The following KCNQ1 variants were observed in gnomAD, a reference collection of about 807,000 sequenced individuals.
KCNQ1 encodes the protein potassium voltage-gated channel subfamily Q member 1, also known as potassium voltage-gated channel subfamily KQT member 1.
Under a neutral mutation model 72.4 loss-of-function variants are expected in KCNQ1, and 49 were observed. The ratio of observed to expected loss-of-function variants is 0.68; its 90% CI spans 0.54 to 0.86. The LOEUF is 0.86. Among genes scored for constraint, KCNQ1 ranks in the 40% least tolerant of loss-of-function variants. The pLI, the probability that KCNQ1 is intolerant of heterozygous loss-of-function variation, is 0.00. For synonymous variants in KCNQ1, 450 were observed against 412.6 expected, an observed-to-expected ratio of 1.09 and a Z score of -1.10; for missense variants, 790 against 945.1, an observed-to-expected ratio of 0.84 and a Z score of 2.15.
intron 10 of KCNQ1, chr11:2,609,602 A>G (rs1848944002): frequency 5.0e-6 from 2 of 398,222 alleles, no homozygotes; most frequent in African/African-American, 2.1e-5. Context: ...TGTACTACAC[A>G]TTATTGAAAG....
chr11:2,553,585 G>A (rs1408276873), intron 2 of KCNQ1, among the ~76,000 whole-genome samples: 3 of 152,120 alleles, frequency 2.0e-5, no homozygotes, highest in Admixed American at 6.5e-5. Context: ...GTGGGGAATC[G>A]CACTGATTGA....
rs1365162084 is a variant in KCNQ1 at position 2,762,321 on chromosome 11, C to G, written c.1515-6523C>G. Among the ~76,000 whole-genome samples the G allele has an allele frequency of 6.6e-6, 1 of 152,218 alleles. No homozygotes were observed. Among genetic ancestry groups the G allele is most frequent in the East Asian group, 1.9e-4 (1 of 5,202 alleles). ...GGTCGTGAAAATATTATCCAACTTT[C>G]TTCGACAGGCCCGATTGCCTCATAG... On this transcript the variant is annotated intron_variant, in intron 11 of 15. Coordinates refer to ENST00000155840, the MANE Select transcript of KCNQ1 (RefSeq NM_000218.3). The surrounding 1 kb of genome is among the most constrained non-coding windows in gnomAD (Gnocchi z 4.3).
chr11:2,777,965 A>G lies in KCNQ1; in HGVS notation c.1733-11A>G. 2 of 1,613,594 alleles carry G rather than the reference A, an allele frequency of 1.2e-6. No individual in the cohort carries two copies. The highest frequency in any genetic ancestry group is 1.7e-6 in the Non-Finnish European group (2 of 1,179,912). On this transcript the variant is annotated splice_polypyrimidine_tract_variant and intron_variant, in intron 14 of 15. Transcript: ENST00000155840. The stretch of plus-strand genomic sequence containing the variant: ...CACTTGGCCCTGATTTGGGTGTTTT[A>G]TCCCCCATAGAAAAGAGCAAGGATC...
chr11:2,664,317 G>T lies in KCNQ1; in HGVS notation c.1514+2236G>T. On this transcript the variant is annotated intron_variant, in intron 11 of 15. Coordinates refer to ENST00000155840, the MANE Select transcript of KCNQ1 (RefSeq NM_000218.3). This position sits in a 1 kb window ranked among gnomAD's most constrained non-coding sequence, Gnocchi z 5.1. ...GAGGCATTGTGTTCTGGTCAGGGAA[G>T]ACTCAGGGCTGAGGCTTCAGGGGAG... is the stretch of plus-strand genomic sequence containing the variant. The T allele has an allele frequency of 2.5e-6, 1 of 398,968 alleles. No individual in the cohort carries two copies. The highest frequency in any genetic ancestry group is 1.3e-4 in the South Asian group (1 of 7,862). The allele number at this position is 398,968 out of a possible 1,614,324, so 24.7% of individuals were successfully genotyped here.
In KCNQ1 at chr11:2,677,891, C is replaced by T; in HGVS notation, c.1514+15810C>T. ...GCACAAATGCACTTTCTTCCCCCAC[C>T]CTTACCAAGTGTATACTCAGGTTTT... On this transcript the variant is annotated intron_variant, in intron 11 of 15. Coordinates refer to ENST00000155840, the MANE Select transcript of KCNQ1 (RefSeq NM_000218.3). This position sits in a 1 kb window ranked among gnomAD's most constrained non-coding sequence, Gnocchi z 4.5. The T allele has an allele frequency of 5.0e-6, 2 of 398,544 alleles. No individual in the cohort carries two copies. Among genetic ancestry groups the T allele is most frequent in the Non-Finnish European group, 8.8e-6 (2 of 226,052 alleles). 24.7% of individuals were successfully genotyped at this position (398,544 alleles called of 1,614,324 possible). A position where few individuals can be genotyped will look rare whatever the true frequency, so the allele number is the denominator to read the frequency against.
In KCNQ1 at chr11:2,667,514, G is replaced by A. The variant is rs1451475909; in HGVS notation, c.1514+5433G>A. The stretch of plus-strand genomic sequence containing the variant: ...CATTCACGCCACAGAGGTGGCTGGA[G>A]GGCAAAGGACTTCACAACTGCACTG... On this transcript the variant is annotated intron_variant, in intron 11 of 15. Transcript: ENST00000155840. 1.8e-5 allele frequency: 7 copies of A among 398,258 alleles called. No homozygotes were observed. In the Middle Eastern group the frequency reaches 1.9e-3, roughly 106 times the overall value. The allele number at this position is 398,258 out of a possible 1,614,324, so 24.7% of individuals were successfully genotyped here.
chr11:2,574,658 C>T (rs1305146389), intron 6 of KCNQ1, among the ~76,000 whole-genome samples: 1 of 152,206 alleles, frequency 6.6e-6, no homozygotes, highest in African/African-American at 2.4e-5. Flanking sequence ...CCTGCGATTG[C>T]TGTGCCTCCT....
At chr11:2,812,884 A>G (rs1847522254) in intron 15 of KCNQ1, among the ~76,000 whole-genome samples, 1 of 152,198 alleles carries the variant, frequency 6.6e-6, no homozygotes, top group Admixed American at 6.5e-5. Context: ...GGGTTGTGCC[A>G]TGGCCAGCCC....
At chr11:2,448,942 G>A (rs1413964622) in intron 1 of KCNQ1, among the ~76,000 whole-genome samples, 1 of 152,226 alleles carries the variant, frequency 6.6e-6, no homozygotes, top group Non-Finnish European at 1.5e-5. Flanking sequence ...TGGGGAGGGG[G>A]TAGTCCAGGT....
chr11:2,742,326 T>A (rs1590063706), intron 11 of KCNQ1, among the ~76,000 whole-genome samples: 1 of 152,176 alleles, frequency 6.6e-6, no homozygotes, highest in East Asian at 1.9e-4. Context: ...ATACATCAGC[T>A]ACAATGAGAG....
chr11:2,675,662 C>CA (rs1282295055), intron 11 of KCNQ1: 2 of 398,564 alleles, frequency 5.0e-6, no homozygotes, highest in Non-Finnish European at 8.8e-6. Context: ...GGAGCCCGCC[C>CA]AGGGCCTGCC....
intron 2 of KCNQ1, among the ~76,000 whole-genome samples, chr11:2,557,801 T>C (rs1848094753): frequency 1.3e-5 from 2 of 152,184 alleles, no homozygotes; most frequent in African/African-American, 4.8e-5. Flanking sequence ...CAGGTTCAGT[T>C]GGGGAGGACT....
intron 15 of KCNQ1, among the ~76,000 whole-genome samples, chr11:2,825,322 G>A (rs934151855): frequency 1.3e-5 from 2 of 152,192 alleles, no homozygotes; most frequent in Non-Finnish European, 2.9e-5. Flanking sequence ...AGGGAGGCCC[G>A]CAGCCCAGAC....
At chr11:2,707,828 C>A (rs116839461) in intron 11 of KCNQ1, among the ~76,000 whole-genome samples, 1 of 152,240 alleles carries the variant, frequency 6.6e-6, no homozygotes, top group Non-Finnish European at 1.5e-5. Context: ...CTCTGCCACA[C>A]GGCCTTGGTG....
Position 2,647,923 on chromosome 11 carries a change from C to A in KCNQ1, c.1394-14038C>A. On this transcript the variant is annotated intron_variant, in intron 10 of 15. Coordinates refer to ENST00000155840, the MANE Select transcript of KCNQ1 (RefSeq NM_000218.3). This position sits in a 1 kb window ranked among gnomAD's most constrained non-coding sequence, Gnocchi z 4.0. ...TATTGATTTTCTCTTTTCAAAAAAT[C>A]AGTTTTTTGGCTGGGTTTGTTGGCT... is the stretch of plus-strand genomic sequence containing the variant. 2.5e-6 allele frequency: 1 copy of A among 398,180 alleles called. No homozygotes were observed. Among genetic ancestry groups the A allele is most frequent in the South Asian group, 1.3e-4 (1 of 7,772 alleles). The allele number at this position is 398,180 out of a possible 1,614,324, so 24.7% of individuals were successfully genotyped here. A position where few individuals can be genotyped will look rare whatever the true frequency, so the allele number is the denominator to read the frequency against.
chr11:2,685,181 T>A (rs894168113), intron 11 of KCNQ1: 3 of 398,536 alleles, frequency 7.5e-6, no homozygotes, highest in East Asian at 3.6e-5. Flanking sequence ...CTGCATGGAA[T>A]GCCCCCTTCG....
chr11:2,651,788 C>G lies in KCNQ1; in HGVS notation c.1394-10173C>G, dbSNP rs568949380. On this transcript the variant is annotated intron_variant, in intron 10 of 15. Transcript: ENST00000155840. This position sits in a 1 kb window ranked among gnomAD's most constrained non-coding sequence, Gnocchi z 6.1. ...AGTGTTGACCATTTTGATTCCTGGG[C>G]CCCTTAAGAGTCCATTAGCATTGGA... is the stretch of plus-strand genomic sequence containing the variant. 117 of 398,614 alleles carry G rather than the reference C, an allele frequency of 2.9e-4. No individual in the cohort carries two copies. Among genetic ancestry groups the G allele is most frequent in the African/African-American group, 2.2e-3 (106 of 48,730 alleles). The allele number at this position is 398,614 out of a possible 1,614,324, so 24.7% of individuals were successfully genotyped here.
chr11:2,622,390 G>A (rs1849189129), intron 10 of KCNQ1: 1 of 397,930 alleles, frequency 2.5e-6, no homozygotes, highest in Non-Finnish European at 4.4e-6. Context: ...GTTACTATTT[G>A]TATGAAATAT....
rs972379296 is a variant in KCNQ1 at position 2,748,979 on chromosome 11, G to A, written c.1515-19865G>A. Among the ~76,000 whole-genome samples, 4 of 152,228 alleles carry A rather than the reference G, an allele frequency of 2.6e-5. No individual in the cohort carries two copies. Among genetic ancestry groups the A allele is most frequent in the Admixed American group, 6.5e-5 (1 of 15,290 alleles). On this transcript the variant is annotated intron_variant, in intron 11 of 15. Coordinates refer to ENST00000155840, the MANE Select transcript of KCNQ1 (RefSeq NM_000218.3). The surrounding 1 kb of genome is among the most constrained non-coding windows in gnomAD (Gnocchi z 6.2). ...TTTGACGTGAGCTATTCAAAATGGC[G>A]GGAGGGGCGAGGCCTCTGGAGCAAG...
Sources: allele counts gnomAD v4.1 joint callset (sites outside exome capture counted in the v4.1 genomes callset), GRCh38; gene constraint gnomAD v4.1.1; non-coding constraint Gnocchi (gnomAD v3.1); transcripts MANE v1.5; gene names NCBI Gene and HGNC (gene_info 2026-07-23, HGNC 2026-07-21).